ABCC5: variants seen among roughly 807,000 people sequenced by gnomAD.
The protein encoded by ABCC5 is ATP-binding cassette sub-family C member 5.
ABCC5 carries 61 observed loss-of-function variants against 160.9 expected under a neutral mutation model. The ratio of observed to expected loss-of-function variants is 0.38; its 90% confidence interval spans 0.31 to 0.47. The LOEUF is 0.47. ABCC5 is among the 20% of genes least tolerant of loss of function. The pLI, the probability that ABCC5 is intolerant of heterozygous loss-of-function variation, is 0.99. For synonymous variants in ABCC5, 666 were observed against 700.6 expected (o/e 0.95, Z 0.78); for missense variants, 1,308 against 1,813.3 (o/e 0.72, Z 5.06).
chr3:183,977,347 A>G (rs1435150127), intron 10 of ABCC5, among the ~76,000 whole-genome samples, 170 bp downstream of exon 10: 1 of 152,254 alleles, frequency 6.6e-6, no homozygotes, highest in Non-Finnish European at 1.5e-5. Flanking sequence ...GACAAGTCTC[A>G]TCCCTCAATT....
intron 2 of ABCC5, chr3:184,009,993 C>T (rs1235020772): frequency 9.2e-6 from 4 of 433,110 alleles, no homozygotes; most frequent in Non-Finnish European, 1.8e-5. Flanking sequence ...AAAAAACAAA[C>T]AAAAAAAATT....
chr3:183,965,580 A>G (rs190851227), intron 12 of ABCC5, 79 bp from the exon 13 acceptor site: 44 of 1,570,516 alleles, frequency 2.8e-5, no homozygotes, highest in East Asian at 2.5e-4. Flanking sequence ...ACCTTCCACA[A>G]TGGAATCTAG....
In ABCC5 at chr3:183,921,366, G is replaced by A. The variant is rs1238668902; in HGVS notation, c.4248C>T (p.Ser1416=). The change falls in exon 30 of 30, where the codon TCC becomes TCT. Residue 1416 remains serine (S), a synonymous_variant. Coordinates refer to ENST00000334444, the MANE Select transcript of ABCC5 (RefSeq NM_005688.4). This position sits in a 1 kb window ranked among gnomAD's most constrained non-coding sequence, Gnocchi z 4.1. ...VEFDTPSVLL[S]NDSSRFYAMF... Reference sequence around the variant, plus strand: ...TGGCATAGAATCGGGAACTGTCGTTGGACAGAAGGACCGATGGGGTGTCAA... The same window carrying A: ...TGGCATAGAATCGGGAACTGTCGTTAGACAGAAGGACCGATGGGGTGTCAA... 1 of 1,613,186 alleles carries A rather than the reference G, an allele frequency of 6.2e-7. No individual in the cohort carries two copies. Among genetic ancestry groups the A allele is most frequent in the South Asian group, 1.1e-5 (1 of 90,916 alleles).
At chr3:184,008,898 G>A (rs989884300) in intron 2 of ABCC5, among the ~76,000 whole-genome samples, 4 of 152,006 alleles carry the variant, frequency 2.6e-5, no homozygotes, top group Non-Finnish European at 4.4e-5. Context: ...GCTCTGTCAC[G>A]CAGGGTGGAG....
At chr3:183,937,194 T>C (rs1448857419) in intron 26 of ABCC5, among the ~76,000 whole-genome samples, 3 of 152,024 alleles carry the variant, frequency 2.0e-5, no homozygotes, top group Non-Finnish European at 2.9e-5. Context: ...CTGGCCAACA[T>C]GGTGAAACCT....
Position 183,951,722 on chromosome 3 carries a change from G to C in ABCC5, c.2814+135C>G. 1 of 1,459,436 alleles carries C rather than the reference G, an allele frequency of 6.9e-7. No individual in the cohort carries two copies. Among genetic ancestry groups the C allele is most frequent in the South Asian group, 1.3e-5 (1 of 78,536 alleles). 90.4% of individuals were successfully genotyped at this position (1,459,436 alleles called of 1,614,324 possible). A position where few individuals can be genotyped will look rare whatever the true frequency, so the allele number is the denominator to read the frequency against. On this transcript the variant is annotated intron_variant, in intron 19 of 29. Transcript: ENST00000334444. The surrounding 1 kb of genome is among the most constrained non-coding windows in gnomAD (Gnocchi z 4.7). ...CAAGTGAGAAAAGGTGGAGGCTAACGGAATATGAGTCATCTCAGCCAGGGC... is the reference window on the plus strand; with the variant it reads ...CAAGTGAGAAAAGGTGGAGGCTAACCGAATATGAGTCATCTCAGCCAGGGC...
chr3:183,924,144 T>C (rs972690653), intron 29 of ABCC5, among the ~76,000 whole-genome samples: 7 of 151,750 alleles, frequency 4.6e-5, no homozygotes, highest in African/African-American at 1.7e-4. Flanking sequence ...TCAAATTCCT[T>C]AGTAGCTGGG....
chr3:183,963,284 G>C lies in ABCC5; in HGVS notation c.2235+101C>G. ...CTAAGAAAATGAAACCTTGATTCCA[G>C]GAATTTCTAGTTATAACACAAGGAT... On this transcript the variant is annotated intron_variant, in intron 15 of 29. Coordinates refer to ENST00000334444, the MANE Select transcript of ABCC5 (RefSeq NM_005688.4). This position sits in a 1 kb window ranked among gnomAD's most constrained non-coding sequence, Gnocchi z 4.6. The C allele has an allele frequency of 7.7e-7, 1 of 1,299,174 alleles. No individual in the cohort carries two copies. Among genetic ancestry groups the C allele is most frequent in the Non-Finnish European group, 1.1e-6 (1 of 906,108 alleles). The allele number at this position is 1,299,174 out of a possible 1,614,324, so 80.5% of individuals were successfully genotyped here. A position where few individuals can be genotyped will look rare whatever the true frequency, so the allele number is the denominator to read the frequency against.
chr3:183,944,452 T>C (rs953248348), intron 24 of ABCC5, among the ~76,000 whole-genome samples: 12 of 151,422 alleles, frequency 7.9e-5, no homozygotes, highest in Non-Finnish European at 1.8e-4. Flanking sequence ...AAAGCTAACT[T>C]TTCAAAACTA....
At chr3:183,971,531 G>A (rs1717744719) in intron 11 of ABCC5, 32 bp downstream of exon 11, 1 of 1,591,838 alleles carries the variant, frequency 6.3e-7, no homozygotes, top group South Asian at 1.1e-5. Context: ...GTGGTGGGGT[G>A]CGGGCAGGGA....
rs2292999 is a variant in ABCC5, at chr3:183,963,268, T to G, written c.2235+117A>C. The G allele has an allele frequency of 0.058, 66,483 of 1,144,178 alleles. 2,670 individuals are homozygous for G. The highest frequency in any genetic ancestry group is 0.2 in the East Asian group (8,419 of 42,404). The allele number at this position is 1,144,178 out of a possible 1,614,324, so 70.9% of individuals were successfully genotyped here. ...ACAGGGGGCTAATTTGCTAAGAAAA[T>G]GAAACCTTGATTCCAGGAATTTCTA... is the stretch of plus-strand genomic sequence containing the variant. On this transcript the variant is annotated intron_variant, in intron 15 of 29. Transcript: ENST00000334444. This position sits in a 1 kb window ranked among gnomAD's most constrained non-coding sequence, Gnocchi z 4.6.
intron 2 of ABCC5, among the ~76,000 whole-genome samples, chr3:184,011,580 C>T (rs763573603): frequency 3.3e-5 from 5 of 152,170 alleles, no homozygotes; most frequent in Non-Finnish European, 7.4e-5. Flanking sequence ...CTTATGTTCA[C>T]ACAAAATCCT....
intron 13 of ABCC5, 49 bp downstream of exon 13, chr3:183,965,328 T>C (rs1433704389): frequency 6.2e-7 from 1 of 1,613,988 alleles, no homozygotes; most frequent in African/African-American, 1.3e-5. Context: ...CTGCCTTGCA[T>C]CTCACGCGGC....
In ABCC5 at chr3:183,978,722, A is replaced by C. The variant is rs990756357; in HGVS notation, c.1148-71T>G. ...CTAGGGATGTTGTTCCTCCACCTCC[A>C]AACAAGACTCTGTAGGTCTCCAGCC... On this transcript the variant is annotated intron_variant, in intron 8 of 29. Transcript: ENST00000334444. The C allele has an allele frequency of 7.7e-6, 12 of 1,550,858 alleles. No individual in the cohort carries two copies. The Admixed American group carries it at 1.8e-4, about 23-fold the overall frequency.
chr3:183,984,555 G>T, intron 5 of ABCC5: 1 of 1,247,062 alleles, frequency 8.0e-7, no homozygotes, highest in Non-Finnish European at 1.0e-6. Flanking sequence ...ATGTCCACTA[G>T]GTCCTAGGAG....
intron 11 of ABCC5, among the ~76,000 whole-genome samples, chr3:183,969,844 T>C (rs2108832665): frequency 6.6e-6 from 1 of 152,272 alleles, no homozygotes; most frequent in Non-Finnish European, 1.5e-5. Context: ...CTCTTCTCAG[T>C]CTAGTTCTGG....
At chr3:183,947,628 TGA>T in intron 22 of ABCC5, 118 bp from the exon 23 acceptor site, 2 of 829,898 alleles carry the variant, frequency 2.4e-6, no homozygotes, top group Non-Finnish European at 1.8e-6. Flanking sequence ...TGTTTCTAAC[TGA>T]GAGAATGCCC....
intron 2 of ABCC5, 135 bp from the exon 3 acceptor site, chr3:183,989,518 T>A: frequency 1.2e-6 from 1 of 818,054 alleles, no homozygotes; most frequent in Non-Finnish European, 1.9e-6. Flanking sequence ...GTCAGGAGGT[T>A]AAACACTAAC....
rs560669109 is a variant in ABCC5, at chr3:183,989,502, G to A, written c.130-119C>T. 3 of 1,047,758 alleles carry A rather than the reference G, an allele frequency of 2.9e-6. No individual in the cohort carries two copies. In the South Asian group the frequency reaches 4.9e-5, roughly 17 times the overall value. The allele number at this position is 1,047,758 out of a possible 1,614,324, so 64.9% of individuals were successfully genotyped here. A position where few individuals can be genotyped will look rare whatever the true frequency, so the allele number is the denominator to read the frequency against. ...ACTCATCTTAACTGAGAAATTCCAA[G>A]CAAGGGTCAGGAGGTTAAACACTAA... On this transcript the variant is annotated intron_variant, in intron 2 of 29. Coordinates refer to ENST00000334444, the MANE Select transcript of ABCC5 (RefSeq NM_005688.4).
Sources: allele counts gnomAD v4.1 joint callset (sites outside exome capture counted in the v4.1 genomes callset), GRCh38; gene constraint gnomAD v4.1.1; non-coding constraint Gnocchi (gnomAD v3.1); transcripts MANE v1.5; gene names NCBI Gene and HGNC (gene_info 2026-07-23, HGNC 2026-07-21).